The following RANBP17 variants were observed in gnomAD, a reference collection of about 807,000 sequenced individuals.
The protein encoded by RANBP17 is RAN binding protein 17, also known as ran-binding protein 17.
In RANBP17, 158 loss-of-function variants were observed where a neutral mutation model predicts 141.2. The ratio of observed to expected loss-of-function variants is 1.12; its 90% confidence interval spans 0.98 to 1.28. RANBP17 has a LOEUF of 1.28. RANBP17 is among the 50% of genes most tolerant of loss of function. The pLI is 0.00. For synonymous variants in RANBP17, 430 were observed against 450.0 expected (o/e 0.96, Z 0.56); for missense variants, 1,438 against 1,290.7 (o/e 1.11, Z -1.75).
intron 14 of RANBP17, among the ~76,000 whole-genome samples, chr5:170,981,701 G>A (rs1170844164): frequency 6.6e-6 from 1 of 152,092 alleles, no homozygotes; most frequent in African/African-American, 2.4e-5. Flanking sequence ...TCTCAGGTAT[G>A]TCTTTATCAG....
At chr5:171,230,851 A>C (rs1764163100) in intron 22 of RANBP17, among the ~76,000 whole-genome samples, 1 of 152,150 alleles carries the variant, frequency 6.6e-6, no homozygotes, top group Non-Finnish European at 1.5e-5. Flanking sequence ...TACATTTTTG[A>C]GAAACCACTT....
intron 25 of RANBP17, among the ~76,000 whole-genome samples, chr5:171,275,079 T>A (rs975488459): frequency 6.6e-6 from 1 of 152,114 alleles, no homozygotes; most frequent in Non-Finnish European, 1.5e-5. Flanking sequence ...AGGGATGGAA[T>A]CCACCAGATG....
At chr5:171,042,271 A>G (rs1014589785) in intron 14 of RANBP17, among the ~76,000 whole-genome samples, 1 of 152,198 alleles carries the variant, frequency 6.6e-6, no homozygotes, top group African/African-American at 2.4e-5. Flanking sequence ...CCTATCATGT[A>G]GTTAGGATAG....
intron 13 of RANBP17, among the ~76,000 whole-genome samples, chr5:170,960,070 A>G (rs929072661): frequency 3.9e-5 from 6 of 152,128 alleles, no homozygotes; most frequent in Non-Finnish European, 7.4e-5. Context: ...ATTTTTCTTG[A>G]TAGTACTTAT....
intron 14 of RANBP17, among the ~76,000 whole-genome samples, chr5:171,038,955 A>G (rs1782064712): frequency 6.6e-6 from 1 of 151,770 alleles, no homozygotes; most frequent in African/African-American, 2.4e-5. Flanking sequence ...GATGTACCAC[A>G]TTTTCTTTAT....
chr5:170,890,331 C>A (rs1422152), intron 3 of RANBP17, among the ~76,000 whole-genome samples: 91,354 of 152,020 alleles, frequency 0.6, 29,209 homozygotes, highest in South Asian at 0.9. Flanking sequence ...AAGCTTAGAA[C>A]CATATTACTG....
At chr5:171,221,207 T>G (rs753601508) in intron 21 of RANBP17, among the ~76,000 whole-genome samples, 108 of 152,334 alleles carry the variant, frequency 7.1e-4, no homozygotes, top group Non-Finnish European at 1.3e-3. Flanking sequence ...TGAGATTTGT[T>G]TCTCTTTACT....
rs376342999 is a variant in RANBP17 at position 170,894,486 on chromosome 5, T to TATATATATATATATATATATATA, written c.424-1564_424-1563insATATATATATATATATATATATA. ...CCATAGAATAGTTAGTACGTGTTTTTTATATATATATATATATATATGGCT... is the reference window on the plus strand; with the variant it reads ...CCATAGAATAGTTAGTACGTGTTTTTATATATATATATATATATATATATATATATATATATATATATATGGCT... On this transcript the variant is annotated intron_variant, in intron 4 of 27. Transcript: ENST00000523189. Among the ~76,000 whole-genome samples, 218 of 133,258 alleles carry TATATATATATATATATATATATA rather than the reference T, an allele frequency of 1.6e-3. 7 individuals are homozygous for TATATATATATATATATATATATA. Among genetic ancestry groups the TATATATATATATATATATATATA allele is most frequent in the South Asian group, 3.2e-3 (12 of 3,716 alleles). The allele number at this position is 133,258 out of a possible 152,430, so 87.4% of individuals were successfully genotyped here.
At chr5:171,151,702 T>A (rs1758493491) in intron 14 of RANBP17, among the ~76,000 whole-genome samples, 1 of 152,170 alleles carries the variant, frequency 6.6e-6, no homozygotes, top group Non-Finnish European at 1.5e-5. Flanking sequence ...TGGATGGCAT[T>A]CTTATATAAT....
At chr5:170,984,224 C>T (rs970766622) in intron 14 of RANBP17, among the ~76,000 whole-genome samples, 5 of 152,138 alleles carry the variant, frequency 3.3e-5, no homozygotes, top group African/African-American at 1.2e-4. Context: ...ACCAGTTTGT[C>T]ATCCGGGTGT....
chr5:171,077,273 G>A (rs938926246), intron 14 of RANBP17, among the ~76,000 whole-genome samples: 6 of 151,946 alleles, frequency 3.9e-5, no homozygotes, highest in Admixed American at 6.6e-5. Flanking sequence ...CCGGTAGGCC[G>A]AGCTTGAAGT....
At chr5:171,022,868 C>G (rs11134675) in intron 14 of RANBP17, among the ~76,000 whole-genome samples, 101,997 of 152,132 alleles carry the variant, frequency 0.67, 34,461 homozygotes, top group South Asian at 0.89. Context: ...AGGCGGTTGA[C>G]AATCTGTAGG....
intron 14 of RANBP17, among the ~76,000 whole-genome samples, chr5:171,021,847 A>G (rs922816670): frequency 3.3e-5 from 5 of 151,912 alleles, no homozygotes; most frequent in Non-Finnish European, 7.4e-5. Context: ...GAGAAGAGTC[A>G]CTCTGGCCTT....
chr5:171,072,681 C>T (rs564474155), intron 14 of RANBP17, among the ~76,000 whole-genome samples: 1 of 152,268 alleles, frequency 6.6e-6, no homozygotes, highest in South Asian at 2.1e-4. Context: ...AGTGGGAATG[C>T]AGAATGGCAT....
chr5:171,285,066 TC>T (rs1768081564), intron 25 of RANBP17, among the ~76,000 whole-genome samples: 1 of 152,236 alleles, frequency 6.6e-6, no homozygotes, highest in Non-Finnish European at 1.5e-5. Flanking sequence ...TTCAAAAACC[TC>T]CTGTGCATGG....
rs573995664 is a variant in RANBP17, at chr5:171,066,726, A to C, written c.1710+98349A>C. On this transcript the variant is annotated intron_variant, in intron 14 of 27. Transcript: ENST00000523189. ...TGATCATATGGTAATTCTGTTTTTAACTTTTTGAGGAGCCTCCATATTGTT... is the reference window on the plus strand; with the variant it reads ...TGATCATATGGTAATTCTGTTTTTACCTTTTTGAGGAGCCTCCATATTGTT... Among the ~76,000 whole-genome samples, 74 of 152,218 alleles carry C rather than the reference A, an allele frequency of 4.9e-4. 1 individual carries two copies. The South Asian group carries it at 0.015, about 30-fold the overall frequency.
chr5:170,918,714 G>A lies in RANBP17; in HGVS notation c.956G>A (p.Gly319Asp), dbSNP rs202156797. Residue 319 changes from glycine (G) to aspartate (D), a missense_variant and splice_region_variant, in exon 10 of 28, where the codon GGT (glycine) becomes GAT (aspartate). Physicochemically the swap from Gly to Asp is moderately conservative, Grantham distance 94. Coordinates refer to ENST00000523189, the MANE Select transcript of RANBP17 (RefSeq NM_022897.5). Reference protein sequence around the residue: ...GVKRILENPQGLSDPGNYHEF... With the variant: ...GVKRILENPQDLSDPGNYHEF... ...CTTTCTTTTTGTCTCATAATTTAGG[G>A]TTTGTCTGATCCAGGTAATTATCAT... 15 of 1,597,050 alleles carry A rather than the reference G, an allele frequency of 9.4e-6. No individual in the cohort carries two copies. Among genetic ancestry groups the A allele is most frequent in the East Asian group, 6.8e-5 (3 of 43,850 alleles).
intron 16 of RANBP17, among the ~76,000 whole-genome samples, chr5:171,178,977 G>T (rs536575034): frequency 1.3e-5 from 2 of 152,226 alleles, no homozygotes; most frequent in South Asian, 4.2e-4. Flanking sequence ...TAGGTTGCCT[G>T]TTCACTCTGA....
At chr5:171,216,252 T>G (rs547399094) in intron 21 of RANBP17, among the ~76,000 whole-genome samples, 12 of 152,174 alleles carry the variant, frequency 7.9e-5, no homozygotes, top group Non-Finnish European at 1.8e-4. Flanking sequence ...TTCTGTTCCA[T>G]TGGTCTGTAT....
Sources: allele counts gnomAD v4.1 joint callset (sites outside exome capture counted in the v4.1 genomes callset), GRCh38; gene constraint gnomAD v4.1.1; transcripts MANE v1.5; gene names NCBI Gene and HGNC (gene_info 2026-07-23, HGNC 2026-07-21).